PTPRM: variants seen among roughly 807,000 people sequenced by gnomAD.
PTPRM encodes protein tyrosine phosphatase receptor type M.
Under a neutral mutation model 186.7 loss-of-function variants are expected in PTPRM, and 47 were observed. The ratio of observed to expected loss-of-function variants is 0.25; its 90% CI spans 0.20 to 0.32. The LOEUF (loss-of-function observed/expected upper bound fraction) is 0.32, where lower values mean the gene tolerates loss of function less well. PTPRM is among the 10% of genes least tolerant of loss of function. The pLI, the probability that PTPRM is intolerant of heterozygous loss-of-function variation, is 1.00. For missense variants in PTPRM, 1,494 were observed against 1,865.0 expected (o/e 0.80, Z 3.66); for synonymous variants, 668 against 674.9 (o/e 0.99, Z 0.16).
chr18:8,328,349 A>G (rs1371997627), intron 22 of PTPRM, among the ~76,000 whole-genome samples: 1 of 152,142 alleles, frequency 6.6e-6, no homozygotes, highest in Non-Finnish European at 1.5e-5. Context: ...GGAGATGAAC[A>G]CTTGAAATTA....
At chr18:7,621,381 C>G (rs1224132647) in intron 1 of PTPRM, among the ~76,000 whole-genome samples, 1 of 152,074 alleles carries the variant, frequency 6.6e-6, no homozygotes, top group African/African-American at 2.4e-5. Context: ...CCATATAGCC[C>G]TGCCCCCACA....
At chr18:7,689,858 C>A (rs1568031435) in intron 1 of PTPRM, among the ~76,000 whole-genome samples, 1 of 152,134 alleles carries the variant, frequency 6.6e-6, no homozygotes, top group Non-Finnish European at 1.5e-5. Flanking sequence ...AGTGTTTTTA[C>A]TGAATAATGT....
At chr18:8,313,240 G>A (rs1352042750) in intron 20 of PTPRM, among the ~76,000 whole-genome samples, 1 of 152,140 alleles carries the variant, frequency 6.6e-6, no homozygotes, top group East Asian at 1.9e-4. Flanking sequence ...CACTGCTCTA[G>A]CAACATTGGA....
At chr18:8,356,378 A>G (rs991815920) in intron 23 of PTPRM, among the ~76,000 whole-genome samples, 2 of 152,186 alleles carry the variant, frequency 1.3e-5, no homozygotes, top group Admixed American at 6.5e-5. Flanking sequence ...AGTCTTTGCC[A>G]GGGAGCCAGG....
At chr18:8,136,832 G>T (rs373555614) in intron 13 of PTPRM, among the ~76,000 whole-genome samples, 18 of 152,252 alleles carry the variant, frequency 1.2e-4, no homozygotes, top group Admixed American at 1.1e-3. Context: ...TTAATTCTCT[G>T]GGCAACAAGA....
intron 2 of PTPRM, 191 bp from the exon 3 acceptor site, chr18:7,887,915 C>A: frequency 1.3e-6 from 1 of 780,614 alleles, no homozygotes; most frequent in Non-Finnish European, 2.3e-6. Flanking sequence ...TATGTGCACT[C>A]TTGAGAACAT....
At chr18:8,190,409 C>T (rs569124578) in intron 14 of PTPRM, among the ~76,000 whole-genome samples, 1 of 152,300 alleles carries the variant, frequency 6.6e-6, no homozygotes, top group Admixed American at 6.5e-5. Context: ...GCGTGATGTC[C>T]TCTAAGTTCA....
chr18:7,946,315 T>G (rs1395997507), intron 5 of PTPRM, among the ~76,000 whole-genome samples: 1 of 152,226 alleles, frequency 6.6e-6, no homozygotes, highest in Non-Finnish European at 1.5e-5. Flanking sequence ...TACAAAAGGA[T>G]ATTATTACAG....
At chr18:7,622,148 G>A (rs569905733) in intron 1 of PTPRM, among the ~76,000 whole-genome samples, 1 of 152,246 alleles carries the variant, frequency 6.6e-6, no homozygotes, top group South Asian at 2.1e-4. Context: ...TCGAGATTTT[G>A]ACCATTCTAA....
chr18:8,336,501 G>A (rs767385810), intron 22 of PTPRM, among the ~76,000 whole-genome samples: 16 of 151,130 alleles, frequency 1.1e-4, no homozygotes, highest in Admixed American at 4.0e-4. Flanking sequence ...ACAGTGAGCC[G>A]TGATCATACC....
chr18:8,375,581 C>T (rs1288786955), intron 24 of PTPRM, among the ~76,000 whole-genome samples: 1 of 152,212 alleles, frequency 6.6e-6, no homozygotes, highest in Non-Finnish European at 1.5e-5. Context: ...CCAGTCCCTG[C>T]TGTGAGAGGT....
chr18:7,947,152 T>G (rs914987719), intron 5 of PTPRM, among the ~76,000 whole-genome samples: 62 of 152,346 alleles, frequency 4.1e-4, no homozygotes, highest in African/African-American at 1.4e-3. Flanking sequence ...GGTGGTACTT[T>G]GATAGCCGCT....
chr18:7,931,084 G>C (rs1277860947), intron 5 of PTPRM, among the ~76,000 whole-genome samples: 1 of 152,010 alleles, frequency 6.6e-6, no homozygotes, highest in Non-Finnish European at 1.5e-5. Flanking sequence ...CTCTTTTCTT[G>C]TATCGAAAAA....
intron 14 of PTPRM, among the ~76,000 whole-genome samples, chr18:8,175,297 A>G (rs995494388): frequency 6.6e-6 from 1 of 152,182 alleles, no homozygotes. Flanking sequence ...GTGGCCTGCA[A>G]TAGTGTAAAA....
At chr18:8,068,107 A>G (rs2089217244) in intron 7 of PTPRM, among the ~76,000 whole-genome samples, 1 of 152,182 alleles carries the variant, frequency 6.6e-6, no homozygotes. Flanking sequence ...CCTTGGTCAC[A>G]ATTTTTATGT....
At chr18:7,763,716 T>G (rs1203272990) in intron 1 of PTPRM, among the ~76,000 whole-genome samples, 1 of 152,212 alleles carries the variant, frequency 6.6e-6, no homozygotes, top group Non-Finnish European at 1.5e-5. Flanking sequence ...GAAAAAATGT[T>G]CATTGAGGGA....
chr18:7,854,325 G>C (rs2046994026), intron 2 of PTPRM, among the ~76,000 whole-genome samples: 1 of 151,754 alleles, frequency 6.6e-6, no homozygotes, highest in Admixed American at 6.6e-5. Flanking sequence ...ACCTCTCTTA[G>C]CTAAAGCAGA....
chr18:7,807,854 G>A (rs331428), intron 2 of PTPRM, among the ~76,000 whole-genome samples: 2,257 of 152,316 alleles, frequency 0.015, 55 homozygotes, highest in African/African-American at 0.051. Flanking sequence ...TGTGGGTAGA[G>A]TCTATGTAAT....
At chr18:7,874,209 A>G (rs1318308864) in intron 2 of PTPRM, among the ~76,000 whole-genome samples, 1 of 152,206 alleles carries the variant, frequency 6.6e-6, no homozygotes, top group Non-Finnish European at 1.5e-5. Flanking sequence ...AAATGGGATA[A>G]GTTTGTGGTC....
Sources: gnomAD v4.1 joint callset for allele counts (sites outside exome capture counted in the v4.1 genomes callset) on GRCh38, gnomAD v4.1.1 for gene constraint, MANE v1.5 for transcripts, NCBI Gene and HGNC (gene_info 2026-07-23, HGNC 2026-07-21) for gene names.